Variants in STPG2 observed in about 807,000 individuals in gnomAD.
STPG2 encodes sperm-tail PG-rich repeat-containing protein 2.
Under a neutral mutation model 54.2 loss-of-function variants are expected in STPG2, and 56 were observed. That is an observed-to-expected ratio of 1.03 (90% confidence interval 0.83 to 1.29). The LOEUF is 1.29. Among genes scored for constraint, STPG2 ranks in the 50% most tolerant of loss-of-function variants. The pLI, the probability that STPG2 is intolerant of heterozygous loss-of-function variation, is 0.00. For missense variants in STPG2, 596 were observed against 544.9 expected, an observed-to-expected ratio of 1.09 and a Z score of -0.93; for synonymous variants, 200 against 181.8, an observed-to-expected ratio of 1.10 and a Z score of -0.81.
rs530952229 is a variant in STPG2, at chr4:97,853,087, C to T, written c.1045-12155G>A. On this transcript the variant is annotated intron_variant, in intron 8 of 10. Transcript: ENST00000295268. Reference sequence around the variant, plus strand: ...TGCCTCCCGGGTTCACGCCATTCCCCTGCCTCATCCTCCTGAGTAGCTGGG... The same window carrying T: ...TGCCTCCCGGGTTCACGCCATTCCCTTGCCTCATCCTCCTGAGTAGCTGGG... 1.7e-3 allele frequency among the ~76,000 whole-genome samples: 260 copies of T among 149,258 alleles called. 2 individuals are homozygous for T. The highest frequency in any genetic ancestry group is 2.4e-3 in the Non-Finnish European group (164 of 67,558).
At chr4:97,895,514 A>G (rs1230413467) in intron 8 of STPG2, among the ~76,000 whole-genome samples, 1 of 151,880 alleles carries the variant, frequency 6.6e-6, no homozygotes, top group East Asian at 1.9e-4. Flanking sequence ...ACATGTACTT[A>G]TCTCATAGCA....
At chr4:97,963,734 C>T (rs577046354) in intron 7 of STPG2, among the ~76,000 whole-genome samples, 5 of 151,526 alleles carry the variant, frequency 3.3e-5, no homozygotes, top group African/African-American at 4.8e-5. Flanking sequence ...TATACATACA[C>T]ACATATATAT....
intron 8 of STPG2, among the ~76,000 whole-genome samples, chr4:97,886,533 G>A (rs1316287937): frequency 6.6e-6 from 1 of 152,176 alleles, no homozygotes; most frequent in East Asian, 1.9e-4. Flanking sequence ...CAAAATGAAT[G>A]GAGATATATC....
intron 10 of STPG2, among the ~76,000 whole-genome samples, chr4:97,601,023 GA>G (rs1263279474): frequency 1.3e-5 from 2 of 151,990 alleles, no homozygotes; most frequent in Non-Finnish European, 1.5e-5. Context: ...AAGATGATGT[GA>G]AAAAATGTGA....
In STPG2 at chr4:98,143,240, G is replaced by A; in HGVS notation, c.-90C>T. The A allele has an allele frequency of 4.1e-6, 4 of 968,228 alleles. No individual in the cohort carries two copies. Among genetic ancestry groups the A allele is most frequent in the Non-Finnish European group, 6.2e-6 (4 of 644,358 alleles). 60.0% of individuals were successfully genotyped at this position (968,228 alleles called of 1,614,324 possible). On this transcript the variant is annotated 5_prime_UTR_variant, in exon 1 of 11. Transcript: ENST00000295268. ...TAGAAGTGTGGAGAAAAAGGAAGCC[G>A]ACACCAGTCTGAGGAGGCCGGGAAA...
chr4:97,564,632 G>T (rs554291748), intron 10 of STPG2, among the ~76,000 whole-genome samples: 1 of 152,222 alleles, frequency 6.6e-6, no homozygotes, highest in East Asian at 1.9e-4. Flanking sequence ...AGGCCTGGTG[G>T]TGACAAAATC....
intron 4 of STPG2, among the ~76,000 whole-genome samples, chr4:97,537,903 C>T (rs549601732): frequency 6.6e-6 from 1 of 152,324 alleles, no homozygotes; most frequent in South Asian, 2.1e-4. Context: ...CGCTGTTCTG[C>T]AGCCTCCGCT....
At chr4:98,107,417 GAAGT>G (rs1739219229) in intron 4 of STPG2, among the ~76,000 whole-genome samples, 1 of 152,094 alleles carries the variant, frequency 6.6e-6, no homozygotes, top group Admixed American at 6.6e-5. Flanking sequence ...CAAAAACGGT[GAAGT>G]AACTGAAGCA....
rs192777005 is a variant in STPG2, at chr4:97,461,424, G to A, written c.462+251275C>T. On this transcript the variant is annotated intron_variant, in intron 4 of 4. Coordinates refer to the STPG2 transcript ENST00000522676. ...TGACTTTGGGAGGTAATTAGATCAC[G>A]ATGGTTGAGCCCTCATGAATGAAAT... is the stretch of plus-strand genomic sequence containing the variant. Among the ~76,000 whole-genome samples, 5 of 152,280 alleles carry A rather than the reference G, an allele frequency of 3.3e-5. No homozygotes were observed. In the East Asian group the frequency reaches 7.7e-4, roughly 24 times the overall value.
At chr4:97,486,604 G>A (rs1215518669) in intron 4 of STPG2, among the ~76,000 whole-genome samples, 2 of 151,644 alleles carry the variant, frequency 1.3e-5, no homozygotes, top group African/African-American at 4.8e-5. Flanking sequence ...GGAAAACAGT[G>A]TGGAGATTCC....
chr4:97,645,045 C>T (rs1346325399), intron 10 of STPG2, among the ~76,000 whole-genome samples: 1 of 151,940 alleles, frequency 6.6e-6, no homozygotes, highest in African/African-American at 2.4e-5. Flanking sequence ...TTCTCATATT[C>T]TAAACGTACA....
chr4:97,491,354 A>T (rs1730499366), intron 4 of STPG2, among the ~76,000 whole-genome samples: 1 of 151,510 alleles, frequency 6.6e-6, no homozygotes, highest in African/African-American at 2.4e-5. Flanking sequence ...ACAGCATTAG[A>T]TTACCTACCT....
intron 10 of STPG2, among the ~76,000 whole-genome samples, chr4:97,677,624 G>C (rs1202622652): frequency 6.6e-6 from 1 of 152,100 alleles, no homozygotes; most frequent in Non-Finnish European, 1.5e-5. Context: ...TGGCAAATTT[G>C]GGATTATTTC....
chr4:97,956,061 TAAA>T (rs1239487909), intron 7 of STPG2, among the ~76,000 whole-genome samples: 1 of 151,608 alleles, frequency 6.6e-6, no homozygotes, highest in South Asian at 2.1e-4. Flanking sequence ...GAGAAATAAA[TAAA>T]AAAAGTAATC....
At chr4:97,730,805 T>C (rs748778733) in intron 9 of STPG2, among the ~76,000 whole-genome samples, 1 of 152,216 alleles carries the variant, frequency 6.6e-6, no homozygotes, top group East Asian at 1.9e-4. Flanking sequence ...TAATCTGTTA[T>C]TAATACTTCC....
chr4:97,863,841 G>C (rs1441417752), intron 8 of STPG2, among the ~76,000 whole-genome samples: 1 of 152,034 alleles, frequency 6.6e-6, no homozygotes, highest in Non-Finnish European at 1.5e-5. Flanking sequence ...CAGAACCAAA[G>C]ACAAAAAACA....
chr4:98,125,492 G>A (rs551039292), intron 3 of STPG2, among the ~76,000 whole-genome samples: 81 of 152,242 alleles, frequency 5.3e-4, no homozygotes, highest in African/African-American at 1.9e-3. Context: ...CCACCTGGAG[G>A]CATCACAAAT....
chr4:98,106,989 A>G (rs1416917642), intron 4 of STPG2, among the ~76,000 whole-genome samples: 1 of 152,152 alleles, frequency 6.6e-6, no homozygotes, highest in Non-Finnish European at 1.5e-5. Flanking sequence ...AATTGCTATT[A>G]CTTTCTTTGT....
Position 97,734,946 on chromosome 4 carries a change from G to A in STPG2, c.1205-22132C>T, listed in dbSNP as rs537363101. On this transcript the variant is annotated intron_variant, in intron 9 of 10. Coordinates refer to ENST00000295268, the MANE Select transcript of STPG2 (RefSeq NM_174952.3). ...AAATTAGCTGGGCATGGTGGCAGGC[G>A]CCTGTAGTCCCAGTTACTCAGGAGG... 3.7e-4 allele frequency among the ~76,000 whole-genome samples: 56 copies of A among 151,922 alleles called. 1 individual carries two copies. Among genetic ancestry groups the A allele is most frequent in the South Asian group, 1.2e-3 (6 of 4,804 alleles).
Sources: gnomAD v4.1 joint callset for allele counts (sites outside exome capture counted in the v4.1 genomes callset) on GRCh38, gnomAD v4.1.1 for gene constraint, MANE v1.5 for transcripts, NCBI Gene and HGNC (gene_info 2026-07-23, HGNC 2026-07-21) for gene names.